CNTN4: variants seen among roughly 807,000 people sequenced by gnomAD.
CNTN4 encodes contactin-4.
A neutral mutation model predicts 122.5 loss-of-function variants in CNTN4; 77 were observed. That is an observed-to-expected ratio of 0.63 (90% CI 0.52 to 0.76). The LOEUF is 0.76. CNTN4 is among the 30% of genes least tolerant of loss of function. The pLI is 0.00. For missense variants in CNTN4, 1,256 were observed against 1,259.1 expected, an observed-to-expected ratio of 1.00 and a Z score of 0.04; for synonymous variants, 512 against 447.0, an observed-to-expected ratio of 1.15 and a Z score of -1.83.
chr3:2,484,216 T>A (rs1448745372), intron 3 of CNTN4, among the ~76,000 whole-genome samples: 1 of 152,126 alleles, frequency 6.6e-6, no homozygotes, highest in Non-Finnish European at 1.5e-5. Flanking sequence ...CTACACACCA[T>A]ATGTCATCAG....
intron 3 of CNTN4, among the ~76,000 whole-genome samples, chr3:2,489,318 T>G (rs958782973): frequency 6.6e-6 from 1 of 152,220 alleles, no homozygotes; most frequent in African/African-American, 2.4e-5. Context: ...CACCAAGATT[T>G]GGGTAACAAA....
intron 2 of CNTN4, among the ~76,000 whole-genome samples, chr3:2,257,334 C>G (rs761220616): frequency 6.6e-6 from 1 of 152,182 alleles, no homozygotes; most frequent in Non-Finnish European, 1.5e-5. Context: ...ACCATAAAAA[C>G]CACAGAAGAA....
intron 2 of CNTN4, among the ~76,000 whole-genome samples, chr3:2,178,860 G>A (rs2036875729): frequency 6.6e-6 from 1 of 151,972 alleles, no homozygotes. Context: ...TCTCTGATTG[G>A]TAGACTAACC....
chr3:3,046,180 T>G (rs977314817), intron 23 of CNTN4, among the ~76,000 whole-genome samples: 19 of 152,248 alleles, frequency 1.2e-4, no homozygotes, highest in Non-Finnish European at 1.9e-4. Flanking sequence ...ACGGGGAGAA[T>G]GGAACCAAGT....
At chr3:2,752,643 GC>G (rs1413211744) in intron 6 of CNTN4, among the ~76,000 whole-genome samples, 2 of 152,120 alleles carry the variant, frequency 1.3e-5, no homozygotes, top group African/African-American at 4.8e-5. Context: ...GAGCCACCGT[GC>G]CCAGCTGAGT....
At chr3:2,277,937 A>T (rs892302771) in intron 2 of CNTN4, among the ~76,000 whole-genome samples, 7 of 150,876 alleles carry the variant, frequency 4.6e-5, no homozygotes, top group African/African-American at 9.8e-5. Context: ...AATGGCTTAA[A>T]TTTTTTTTTT....
chr3:3,011,686 TC>T (rs1259127173), intron 14 of CNTN4, among the ~76,000 whole-genome samples: 1 of 152,186 alleles, frequency 6.6e-6, no homozygotes, highest in East Asian at 1.9e-4. Context: ...TTTTGTTTCT[TC>T]TTTAGCTTCC....
intron 4 of CNTN4, among the ~76,000 whole-genome samples, chr3:2,693,375 C>G (rs985959298): frequency 6.6e-6 from 1 of 152,082 alleles, no homozygotes; most frequent in African/African-American, 2.4e-5. Context: ...AATATCAGTT[C>G]AGGTTGATTT....
intron 14 of CNTN4, among the ~76,000 whole-genome samples, chr3:2,990,265 G>A (rs1694937922): frequency 6.6e-6 from 1 of 152,118 alleles, no homozygotes; most frequent in Non-Finnish European, 1.5e-5. Context: ...ATTAGTATTT[G>A]TTTTGTTGTT....
At chr3:2,273,491 G>T (rs1452759821) in intron 2 of CNTN4, among the ~76,000 whole-genome samples, 1 of 152,020 alleles carries the variant, frequency 6.6e-6, no homozygotes, top group African/African-American at 2.4e-5. Flanking sequence ...TTCACTTCTT[G>T]GTCTTATTCG....
intron 3 of CNTN4, among the ~76,000 whole-genome samples, chr3:2,567,098 T>G (rs2079198984): frequency 6.7e-6 from 1 of 150,060 alleles, no homozygotes; most frequent in Non-Finnish European, 1.5e-5. Flanking sequence ...TTTTTTTTCT[T>G]TTTTTCAGAC....
rs771892253 is a variant in CNTN4, at chr3:2,752,270, G to A, written c.358+6573G>A. ...GATCAAATCAGAGTAATTAGCATAC[G>A]CATCACCTCATGCAACTAAACTATC... On this transcript the variant is annotated intron_variant, in intron 6 of 24. Transcript: ENST00000418658. Among the ~76,000 whole-genome samples, 12 of 152,304 alleles carry A rather than the reference G, an allele frequency of 7.9e-5. No individual in the cohort carries two copies. The East Asian group carries it at 1.2e-3, about 15-fold the overall frequency.
chr3:2,513,445 C>A (rs2076947887), intron 3 of CNTN4, among the ~76,000 whole-genome samples: 1 of 151,774 alleles, frequency 6.6e-6, no homozygotes, highest in African/African-American at 2.4e-5. Flanking sequence ...TAAACAAATG[C>A]TTAATTTGTA....
intron 3 of CNTN4, among the ~76,000 whole-genome samples, chr3:2,521,947 T>C (rs1427051130): frequency 1.3e-5 from 2 of 152,106 alleles, no homozygotes; most frequent in African/African-American, 4.8e-5. Context: ...TAAGCTTTGG[T>C]AAAGTGGTCC....
chr3:2,937,171 T>A (rs1477131168), intron 13 of CNTN4, among the ~76,000 whole-genome samples: 1 of 152,246 alleles, frequency 6.6e-6, no homozygotes, highest in African/African-American at 2.4e-5. Flanking sequence ...TCTTTGTGAC[T>A]TACACTTTTG....
chr3:2,525,205 C>T (rs1283782175), intron 3 of CNTN4, among the ~76,000 whole-genome samples: 3 of 152,078 alleles, frequency 2.0e-5, no homozygotes, highest in Non-Finnish European at 4.4e-5. Context: ...CATTTGATTA[C>T]CACTGCTGTG....
At position 2,830,692 on chromosome 3, in the gene CNTN4, G is replaced by A. The variant is rs2093085463; in HGVS notation, c.454+11111G>A. The stretch of plus-strand genomic sequence containing the variant: ...TGAGCGTTTCATAAATAATCCAGTG[G>A]ACATTCACTACAGGATAGACGGGCA... On this transcript the variant is annotated intron_variant, in intron 7 of 24. Coordinates refer to ENST00000418658, the MANE Select transcript of CNTN4 (RefSeq NM_175607.3). Among the ~76,000 whole-genome samples the A allele has an allele frequency of 2.0e-5, 3 of 152,184 alleles. No homozygotes were observed. The South Asian group carries it at 6.2e-4, about 32-fold the overall frequency.
chr3:2,532,996 C>T (rs1021602657), intron 3 of CNTN4, among the ~76,000 whole-genome samples: 3 of 152,048 alleles, frequency 2.0e-5, no homozygotes, highest in Non-Finnish European at 4.4e-5. Flanking sequence ...CATTGGTTTG[C>T]TTAGTCACCG....
chr3:2,813,737 C>T (rs990477638), intron 6 of CNTN4, among the ~76,000 whole-genome samples: 2 of 152,004 alleles, frequency 1.3e-5, no homozygotes, highest in Non-Finnish European at 2.9e-5. Flanking sequence ...ATTTTATATC[C>T]TCTAGACTAT....
Sources: allele counts gnomAD v4.1 joint callset (sites outside exome capture counted in the v4.1 genomes callset), GRCh38; gene constraint gnomAD v4.1.1; transcripts MANE v1.5; gene names NCBI Gene and HGNC (gene_info 2026-07-23, HGNC 2026-07-21).